The following EXOSC4 variants were observed in gnomAD, a reference collection of about 807,000 sequenced individuals.
The protein encoded by EXOSC4 is exosome component 4.
Under a neutral mutation model 20.0 loss-of-function variants are expected in EXOSC4, and 14 were observed. The observed-to-expected ratio is 0.70, with a 90% CI of 0.46 to 1.09. The LOEUF is 1.09. Among genes scored for constraint, EXOSC4 ranks in the 50% least tolerant of loss-of-function variants. EXOSC4 has a pLI of 0.00. For synonymous variants in EXOSC4, 148 were observed against 146.4 expected (o/e 1.01, Z -0.08); for missense variants, 337 against 334.0 (o/e 1.01, Z -0.07).
rs1434337769 is a variant in EXOSC4 at position 144,078,884 on chromosome 8, C to T, written c.156C>T (p.Val52=). Residue 52 remains valine, a synonymous_variant, in exon 1 of 3, where the codon GTC becomes GTT. Transcript: ENST00000316052. The surrounding 1 kb of genome is among the most constrained non-coding windows in gnomAD (Gnocchi z 4.7). ...GCAACACCAAGGCACTGGCTGTGGT[C>T]TACGGCCCGCACGAGGCGAGTGGGC... ...EQGNTKALAV[V]YGPHEIRGSR... The T allele has an allele frequency of 6.7e-6, 10 of 1,498,274 alleles. No homozygotes were observed. In the Admixed American group the frequency reaches 2.3e-4, roughly 35 times the overall value. The allele number at this position is 1,498,274 out of a possible 1,614,324, so 92.8% of individuals were successfully genotyped here.
In EXOSC4 at chr8:144,078,816, G is replaced by A. The variant is rs2129920614; in HGVS notation, c.88G>A (p.Gly30Ser). The change falls in exon 1 of 3, where the codon GGC becomes AGC. Residue 30 changes from glycine (G) to serine (S), a missense_variant. Coordinates refer to ENST00000316052, the MANE Select transcript of EXOSC4 (RefSeq NM_019037.3). The surrounding 1 kb of genome is among the most constrained non-coding windows in gnomAD (Gnocchi z 4.7). ...GELRKIQARM[G>S]VFAQADGSAY... The stretch of plus-strand genomic sequence containing the variant: ...GCTGCGCAAGATCCAGGCGCGGATG[G>A]GCGTGTTCGCGCAGGCTGACGGCTC... 1.9e-6 allele frequency: 3 copies of A among 1,580,596 alleles called. No homozygotes were observed. In the East Asian group the frequency reaches 7.4e-5, roughly 39 times the overall value.
the EXOSC4 span, among the ~76,000 whole-genome samples, chr8:144,064,369 T>TGA: frequency 1.3e-5 from 2 of 152,220 alleles, no homozygotes; most frequent in African/African-American, 4.8e-5. Context: ...ATGTCGGCAG[T>TGA]CACGGTTGGC....
the EXOSC4 span, among the ~76,000 whole-genome samples, chr8:144,073,160 C>T: frequency 6.6e-5 from 10 of 152,132 alleles, no homozygotes; most frequent in Admixed American, 2.6e-4. Flanking sequence ...CCAAGGTGGG[C>T]GGATCACCTG....
the EXOSC4 span, among the ~76,000 whole-genome samples, chr8:144,064,413 G>A: frequency 2.0e-5 from 3 of 152,262 alleles, no homozygotes; most frequent in Non-Finnish European, 4.4e-5. Context: ...GGGTGGGTGC[G>A]TGGCTGCCCT....
upstream of EXOSC4, among the ~76,000 whole-genome samples, chr8:144,076,349 C>T (rs553610893): frequency 2.5e-4 from 38 of 152,242 alleles, no homozygotes; most frequent in African/African-American, 8.2e-4. Flanking sequence ...TAATCTTAGG[C>T]GTGAAGACAA....
upstream of EXOSC4, among the ~76,000 whole-genome samples, chr8:144,076,689 C>T (rs1835838225): frequency 3.3e-5 from 5 of 152,240 alleles, no homozygotes; most frequent in Admixed American, 3.3e-4. Context: ...CAACATCGTC[C>T]TCATTGTCCT....
At position 144,079,690 on chromosome 8, in the gene EXOSC4, A is replaced by G. The variant is rs1428519118; in HGVS notation, c.172-253A>G. ...TAGGATTTGAGTGTGTAGGTGAGAC[A>G]GAAGCAGCGTTGATGTTTGTAAACT... On this transcript the variant is annotated intron_variant, in intron 1 of 2. Coordinates refer to ENST00000316052, the MANE Select transcript of EXOSC4 (RefSeq NM_019037.3). 5 of 662,940 alleles carry G rather than the reference A, an allele frequency of 7.5e-6. No individual in the cohort carries two copies. The Admixed American group carries it at 1.0e-4, about 14-fold the overall frequency. 41.1% of individuals were successfully genotyped at this position (662,940 alleles called of 1,614,324 possible).
At chr8:144,074,745 A>T (rs1362529675), upstream of EXOSC4, among the ~76,000 whole-genome samples, 1 of 151,292 alleles carries the variant, frequency 6.6e-6, no homozygotes, top group Admixed American at 6.6e-5. Context: ...TAATTTTTAA[A>T]TTTTTTTTTG....
Position 144,080,473 on chromosome 8 carries a change from C to T in EXOSC4, c.610C>T (p.Arg204Trp), listed in dbSNP as rs1470381092. 6 of 1,608,148 alleles carry T rather than the reference C, an allele frequency of 3.7e-6. No individual in the cohort carries two copies. Among genetic ancestry groups the T allele is most frequent in the East Asian group, 4.5e-5 (2 of 44,892 alleles). Residue 204 changes from arginine to tryptophan, a missense_variant, in exon 3 of 3, where the codon CGG (arginine) becomes TGG (tryptophan). Transcript: ENST00000316052. The surrounding 1 kb of genome is among the most constrained non-coding windows in gnomAD (Gnocchi z 4.9). ...GQIALLEMDARLHEDHLERVL... is the reference protein window; with the variant it reads ...GQIALLEMDAWLHEDHLERVL... ...GATTGCGCTGCTTGAGATGGATGCC[C>T]GGCTGCACGAGGACCACCTGGAGCG... is the stretch of plus-strand genomic sequence containing the variant.
upstream of EXOSC4, among the ~76,000 whole-genome samples, chr8:144,073,863 A>T (rs534805589): frequency 2.0e-5 from 3 of 152,150 alleles, no homozygotes; most frequent in Non-Finnish European, 4.4e-5. Flanking sequence ...AAAAAAAAAA[A>T]ATCCTAACAA....
At chr8:144,068,699 G>C in the EXOSC4 span, among the ~76,000 whole-genome samples, 1 of 152,226 alleles carries the variant, frequency 6.6e-6, no homozygotes, top group South Asian at 2.1e-4. Context: ...TGTGGTGCTT[G>C]AGCTCAGCCT....
rs1554763082 is a variant in EXOSC4, at chr8:144,078,831, G to C, written c.103G>C (p.Ala35Pro). The C allele has an allele frequency of 6.3e-7, 1 of 1,581,160 alleles. No individual in the cohort carries two copies. The highest frequency in any genetic ancestry group is 8.6e-7 in the Non-Finnish European group (1 of 1,166,420). Residue 35 changes from alanine to proline, a missense_variant, in exon 1 of 3, where the codon GCT becomes CCT. By Grantham distance (27) the Ala-to-Pro change is conservative. Coordinates refer to ENST00000316052, the MANE Select transcript of EXOSC4 (RefSeq NM_019037.3). The surrounding 1 kb of genome is among the most constrained non-coding windows in gnomAD (Gnocchi z 4.7). ...IQARMGVFAQ[A>P]DGSAYIEQGN... Reference sequence around the variant, plus strand: ...GGCGCGGATGGGCGTGTTCGCGCAGGCTGACGGCTCGGCCTACATTGAGCA... The same window carrying C: ...GGCGCGGATGGGCGTGTTCGCGCAGCCTGACGGCTCGGCCTACATTGAGCA...
the EXOSC4 span, among the ~76,000 whole-genome samples, chr8:144,070,224 A>C: frequency 6.6e-6 from 1 of 152,162 alleles, no homozygotes; most frequent in East Asian, 1.9e-4. Context: ...TGGTCAGGAC[A>C]CAGAAGGAAA....
upstream of EXOSC4, among the ~76,000 whole-genome samples, chr8:144,074,686 T>C (rs932982846): frequency 1.3e-5 from 2 of 152,144 alleles, no homozygotes; most frequent in Non-Finnish European, 2.9e-5. Flanking sequence ...CCCTCCCGTC[T>C]CAGTCTCTCA....
Position 144,080,127 on chromosome 8 carries a change from C to T in EXOSC4, c.356C>T (p.Ser119Phe), listed in dbSNP as rs1243949631. 6.2e-7 allele frequency: 1 copy of T among 1,613,052 alleles called. No individual in the cohort carries two copies. The highest frequency in any genetic ancestry group is 8.5e-7 in the Non-Finnish European group (1 of 1,179,152). Residue 119 changes from serine to phenylalanine, a missense_variant, in exon 2 of 3, where the codon TCC (serine) becomes TTC (phenylalanine). Physicochemically the swap from Ser to Phe is radical, Grantham distance 155 (BLOSUM62 -2). Transcript: ENST00000316052. The surrounding 1 kb of genome is among the most constrained non-coding windows in gnomAD (Gnocchi z 4.9). ...ATCCTCACACAGCTGCACCCACGCT[C>T]CCAGATTGATATCTATGTGCAGGTG... The part of the protein sequence containing the change: ...AAILTQLHPR[S>F]QIDIYVQVLQ...
upstream of EXOSC4, among the ~76,000 whole-genome samples, chr8:144,076,496 C>A (rs947847908): frequency 1.3e-5 from 2 of 152,008 alleles, no homozygotes; most frequent in Non-Finnish European, 2.9e-5. Flanking sequence ...AGCTGGAGTA[C>A]GAGGGTCAGA....
At chr8:144,074,893 T>G (rs1404925194), upstream of EXOSC4, among the ~76,000 whole-genome samples, 2 of 152,026 alleles carry the variant, frequency 1.3e-5, no homozygotes, top group African/African-American at 4.8e-5. Flanking sequence ...CTGTTATGGC[T>G]CATATGTGGA....
chr8:144,066,837 C>T, the EXOSC4 span, among the ~76,000 whole-genome samples: 1 of 152,132 alleles, frequency 6.6e-6, no homozygotes, highest in Admixed American at 6.5e-5. Flanking sequence ...CCTGTAATCC[C>T]AGCACTTTGG....
chr8:144,078,079 A>G (rs1310023406), upstream of EXOSC4: 1 of 151,946 alleles, frequency 6.6e-6, no homozygotes, highest in Non-Finnish European at 1.5e-5. This position sits in a 1 kb window ranked among gnomAD's most constrained non-coding sequence, Gnocchi z 4.7. Flanking sequence ...CCCTCTCTGG[A>G]AAGGATGAGG....
Sources: gnomAD v4.1 joint callset for allele counts (sites outside exome capture counted in the v4.1 genomes callset) on GRCh38, gnomAD v4.1.1 for gene constraint, Gnocchi (gnomAD v3.1) non-coding constraint, MANE v1.5 for transcripts, NCBI Gene and HGNC (gene_info 2026-07-23, HGNC 2026-07-21) for gene names.